ATG5: variants seen among roughly 807,000 people sequenced by gnomAD.
ATG5 encodes the protein autophagy protein 5.
In ATG5, 14 loss-of-function variants were observed where a neutral mutation model predicts 36.5. The observed-to-expected ratio is 0.38, with a 90% CI of 0.25 to 0.60. The LOEUF (loss-of-function observed/expected upper bound fraction) is 0.60, where lower values mean the gene tolerates loss of function less well. ATG5 is among the 20% of genes least tolerant of loss of function. The probability of loss-of-function intolerance (pLI) is 0.60; values close to 1 mark genes in which losing one functional copy is unlikely to be tolerated. For missense variants in ATG5, 195 were observed against 326.7 expected, an observed-to-expected ratio of 0.60 and a Z score of 3.11; for synonymous variants, 95 against 101.5, an observed-to-expected ratio of 0.94 and a Z score of 0.38.
At chr6:106,249,793 A>G (rs1455145902) in intron 5 of ATG5, among the ~76,000 whole-genome samples, 1 of 152,210 alleles carries the variant, frequency 6.6e-6, no homozygotes, top group African/African-American at 2.4e-5. Flanking sequence ...CTTTTTAATT[A>G]TAATCATTCT....
rs112974478 is a variant in ATG5, at chr6:106,312,691, G to C, written c.108+3410C>G. Among the ~76,000 whole-genome samples the C allele has an allele frequency of 2.7e-5, 4 of 149,516 alleles. 1 individual carries two copies. Among genetic ancestry groups the C allele is most frequent in the African/African-American group, 9.8e-5 (4 of 40,768 alleles). ...ACCAGACAGGCAAAAGCAAAACCAAGGATACTGAGCACTGCAGGGCTAACA... is the reference window on the plus strand; with the variant it reads ...ACCAGACAGGCAAAAGCAAAACCAACGATACTGAGCACTGCAGGGCTAACA... On this transcript the variant is annotated intron_variant, in intron 2 of 7. Coordinates refer to ENST00000369076, the MANE Select transcript of ATG5 (RefSeq NM_004849.4).
At chr6:106,310,407 G>C (rs903191201) in intron 2 of ATG5, among the ~76,000 whole-genome samples, 9 of 151,990 alleles carry the variant, frequency 5.9e-5, no homozygotes, top group African/African-American at 1.9e-4. Flanking sequence ...AGTACATATA[G>C]ATACAATTTA....
At chr6:106,299,412 A>T (rs1386319685) in intron 3 of ATG5, among the ~76,000 whole-genome samples, 1 of 152,122 alleles carries the variant, frequency 6.6e-6, no homozygotes, top group Non-Finnish European at 1.5e-5. Flanking sequence ...GGTTGAATCC[A>T]TGGATGCAGA....
At chr6:106,323,756 C>T (rs1409248171) in intron 1 of ATG5, among the ~76,000 whole-genome samples, 5 of 152,298 alleles carry the variant, frequency 3.3e-5, no homozygotes, top group South Asian at 4.1e-4. Context: ...GTCAACATAG[C>T]AATCAGATCT....
intron 6 of ATG5, among the ~76,000 whole-genome samples, chr6:106,238,433 C>G (rs866061571): frequency 7.9e-5 from 12 of 152,210 alleles, no homozygotes; most frequent in Non-Finnish European, 1.0e-4. Flanking sequence ...AACAACTATA[C>G]TTGGATGGGA....
At chr6:106,209,563 A>C (rs1251859799) in intron 6 of ATG5, among the ~76,000 whole-genome samples, 1 of 152,202 alleles carries the variant, frequency 6.6e-6, no homozygotes, top group Non-Finnish European at 1.5e-5. Flanking sequence ...TGGCTATAAA[A>C]GGGTAGCCTA....
chr6:106,236,594 T>C (rs1314884682), intron 6 of ATG5, among the ~76,000 whole-genome samples: 1 of 152,194 alleles, frequency 6.6e-6, no homozygotes, highest in Non-Finnish European at 1.5e-5. Flanking sequence ...AGTAACAATA[T>C]CGTGTATCTT....
At chr6:106,288,937 T>TGC (rs1206629427) in intron 4 of ATG5, among the ~76,000 whole-genome samples, 1 of 151,664 alleles carries the variant, frequency 6.6e-6, no homozygotes, top group Non-Finnish European at 1.5e-5. Flanking sequence ...GATCCAAATG[T>TGC]GTGTGTGTGT....
At chr6:106,202,544 T>C (rs1478560667) in intron 6 of ATG5, 1 of 153,292 alleles carries the variant, frequency 6.5e-6, no homozygotes, top group Admixed American at 6.5e-5. Context: ...AATGGACAAC[T>C]GATAATATTA....
intron 6 of ATG5, among the ~76,000 whole-genome samples, chr6:106,214,876 A>G (rs1272041405): frequency 6.6e-6 from 1 of 152,318 alleles, no homozygotes; most frequent in East Asian, 1.9e-4. Context: ...CTAGCCAAAA[A>G]AGAAGCTTCA....
intron 6 of ATG5, among the ~76,000 whole-genome samples, chr6:106,238,459 C>T (rs185220405): frequency 3.9e-5 from 6 of 152,314 alleles, no homozygotes; most frequent in Non-Finnish European, 7.4e-5. Context: ...GGAGCTAACC[C>T]ATCCCTCTCT....
chr6:106,255,416 T>C (rs1778762624), intron 5 of ATG5, among the ~76,000 whole-genome samples: 1 of 152,182 alleles, frequency 6.6e-6, no homozygotes, highest in African/African-American at 2.4e-5. Flanking sequence ...GAAAACTCTG[T>C]AAATCGTTAA....
At chr6:106,323,476 T>C (rs1209790423) in intron 1 of ATG5, among the ~76,000 whole-genome samples, 1 of 151,866 alleles carries the variant, frequency 6.6e-6, no homozygotes, top group Non-Finnish European at 1.5e-5. Flanking sequence ...GGTCTCGTTA[T>C]GTCGCCCAGG....
At chr6:106,229,684 A>G (rs944108766) in intron 6 of ATG5, among the ~76,000 whole-genome samples, 1 of 152,252 alleles carries the variant, frequency 6.6e-6, no homozygotes. Context: ...AGCGTAAACA[A>G]GGGCGTAGCC....
intron 3 of ATG5, among the ~76,000 whole-genome samples, chr6:106,306,542 G>C (rs1228570062): frequency 2.6e-5 from 4 of 152,148 alleles, no homozygotes; most frequent in Admixed American, 2.6e-4. Context: ...GTACAGGGTA[G>C]CCCACCACAA....
At chr6:106,193,833 C>T (rs11754416) in intron 7 of ATG5, among the ~76,000 whole-genome samples, 13,018 of 152,144 alleles carry the variant, frequency 0.086, 588 homozygotes, top group South Asian at 0.13. Flanking sequence ...AATGAAGCCC[C>T]ATAGTACCTG....
chr6:106,300,948 A>G (rs1221655318), intron 3 of ATG5, among the ~76,000 whole-genome samples: 1 of 152,136 alleles, frequency 6.6e-6, no homozygotes, highest in East Asian at 1.9e-4. Flanking sequence ...CAAAATGAGA[A>G]GCTTGTTCTA....
intron 5 of ATG5, among the ~76,000 whole-genome samples, chr6:106,262,674 G>A (rs1015944507): frequency 2.6e-5 from 4 of 152,002 alleles, no homozygotes; most frequent in African/African-American, 7.3e-5. Flanking sequence ...ATCTTGTTGG[G>A]ACCGGTTAGG....
chr6:106,231,574 C>T (rs1026521921), intron 6 of ATG5, among the ~76,000 whole-genome samples: 12 of 150,428 alleles, frequency 8.0e-5, no homozygotes, highest in Admixed American at 6.7e-4. Flanking sequence ...CACTATAACA[C>T]AGGGAAAGGA....
Sources: allele counts gnomAD v4.1 joint callset (sites outside exome capture counted in the v4.1 genomes callset), GRCh38; gene constraint gnomAD v4.1.1; transcripts MANE v1.5; gene names NCBI Gene and HGNC (gene_info 2026-07-23, HGNC 2026-07-21).